The following ADAMTSL1 variants were observed in gnomAD, a reference collection of about 807,000 sequenced individuals.
ADAMTSL1 encodes the protein ADAMTS like 1.
Under a neutral mutation model 201.8 loss-of-function variants are expected in ADAMTSL1, and 126 were observed. The ratio of observed to expected loss-of-function variants is 0.62; its 90% CI spans 0.54 to 0.72. The LOEUF (loss-of-function observed/expected upper bound fraction) is 0.72, where lower values mean the gene tolerates loss of function less well. Ranked by LOEUF, ADAMTSL1 falls within the 30% of genes least tolerant of loss-of-function variation. The probability of loss-of-function intolerance (pLI) is 0.00; values close to 1 mark genes in which losing one functional copy is unlikely to be tolerated. For missense variants in ADAMTSL1, 2,679 were observed against 2,277.8 expected (o/e 1.18, Z -3.59); for synonymous variants, 1,121 against 903.4 (o/e 1.24, Z -4.32).
chr9:18,483,142 G>T lies in ADAMTSL1; in HGVS notation c.63+8847G>T, dbSNP rs575935656. On this transcript the variant is annotated intron_variant, in intron 1 of 28. Coordinates refer to ENST00000380548, the MANE Select transcript of ADAMTSL1 (RefSeq NM_001040272.6). ...CAGGGGTTTTGTTTTATTTTGTCCT[G>T]AATATCTTTGTATCTCTAGCACCAG... Among the ~76,000 whole-genome samples the T allele has an allele frequency of 5.3e-5, 8 of 152,248 alleles. 1 individual carries two copies. The South Asian group carries it at 1.7e-3, about 32-fold the overall frequency.
At chr9:18,515,275 G>T (rs1231885288) in intron 2 of ADAMTSL1, among the ~76,000 whole-genome samples, 1 of 152,122 alleles carries the variant, frequency 6.6e-6, no homozygotes, top group Non-Finnish European at 1.5e-5. Flanking sequence ...CAATGATGAG[G>T]TTTATCTCTA....
intron 23 of ADAMTSL1, among the ~76,000 whole-genome samples, chr9:18,870,201 T>C (rs951219353): frequency 6.6e-6 from 1 of 152,228 alleles, no homozygotes; most frequent in African/African-American, 2.4e-5. Context: ...ACTGCAGCAT[T>C]TGTATCATCT....
chr9:18,868,120 C>A (rs1827656627), intron 23 of ADAMTSL1, among the ~76,000 whole-genome samples: 1 of 152,212 alleles, frequency 6.6e-6, no homozygotes, highest in African/African-American at 2.4e-5. Flanking sequence ...TTGATCCTAT[C>A]CAGTGAATTT....
chr9:17,955,859 T>A (rs1297127693), intron 1 of ADAMTSL1, among the ~76,000 whole-genome samples: 1 of 152,202 alleles, frequency 6.6e-6, no homozygotes, highest in Non-Finnish European at 1.5e-5. Flanking sequence ...GATTCAGGTA[T>A]CCCCTGAGGT....
chr9:18,411,665 A>T (rs936040967), intron 2 of ADAMTSL1, among the ~76,000 whole-genome samples: 2 of 152,230 alleles, frequency 1.3e-5, no homozygotes, highest in Non-Finnish European at 2.9e-5. Flanking sequence ...AAAAAATATC[A>T]GTATTTTGCT....
chr9:18,508,179 G>A (rs1034609020), intron 2 of ADAMTSL1, among the ~76,000 whole-genome samples: 62 of 147,668 alleles, frequency 4.2e-4, no homozygotes, highest in African/African-American at 1.5e-3. Context: ...GCGAAACTCC[G>A]TCTCAAAAAA....
chr9:18,355,126 AC>A (rs1836156441), intron 2 of ADAMTSL1, among the ~76,000 whole-genome samples: 2 of 152,142 alleles, frequency 1.3e-5, no homozygotes, highest in Non-Finnish European at 2.9e-5. Context: ...GGAGACCCTC[AC>A]TGAGGAGGTC....
At chr9:18,570,899 T>G (rs567263662) in intron 3 of ADAMTSL1, among the ~76,000 whole-genome samples, 1 of 152,222 alleles carries the variant, frequency 6.6e-6, no homozygotes, top group Non-Finnish European at 1.5e-5. Flanking sequence ...CCATAAAACT[T>G]GTAACAGGTG....
intron 4 of ADAMTSL1, among the ~76,000 whole-genome samples, chr9:18,619,541 G>A (rs759772664): frequency 3.3e-5 from 5 of 152,120 alleles, no homozygotes; most frequent in South Asian, 4.1e-4. Flanking sequence ...TAAGTCAGGC[G>A]TCTAGCCAAG....
chr9:18,689,467 A>G (rs1831077189), intron 13 of ADAMTSL1, among the ~76,000 whole-genome samples: 1 of 152,124 alleles, frequency 6.6e-6, no homozygotes, highest in Admixed American at 6.5e-5. Flanking sequence ...CAGGCAACTA[A>G]CAGGCCACCT....
At chr9:18,620,791 C>T (rs758150652) in intron 4 of ADAMTSL1, among the ~76,000 whole-genome samples, 6 of 152,078 alleles carry the variant, frequency 3.9e-5, no homozygotes, top group Non-Finnish European at 7.3e-5. Context: ...GTTTTCCTGA[C>T]ATCTTTGCAT....
intron 2 of ADAMTSL1, among the ~76,000 whole-genome samples, chr9:18,323,520 A>T (rs1834709641): frequency 6.6e-6 from 1 of 152,152 alleles, no homozygotes; most frequent in African/African-American, 2.4e-5. Context: ...CTGGGTTATT[A>T]AGTCAGCACA....
chr9:18,197,861 TA>T (rs1178621210), intron 2 of ADAMTSL1, among the ~76,000 whole-genome samples: 1 of 151,926 alleles, frequency 6.6e-6, no homozygotes, highest in Non-Finnish European at 1.5e-5. Context: ...CAAACTATAC[TA>T]CAAGGCTACA....
chr9:18,478,866 G>C (rs1821589947), intron 1 of ADAMTSL1, among the ~76,000 whole-genome samples: 1 of 152,204 alleles, frequency 6.6e-6, no homozygotes, highest in Non-Finnish European at 1.5e-5. Context: ...CTTTTAGAGA[G>C]CTGGCTTCAA....
intron 2 of ADAMTSL1, among the ~76,000 whole-genome samples, chr9:18,411,265 C>T (rs754693994): frequency 1.3e-5 from 2 of 151,634 alleles, no homozygotes; most frequent in Non-Finnish European, 2.9e-5. Flanking sequence ...GGTGCAATCT[C>T]GACTCACTGC....
At chr9:18,667,362 T>C (rs1463855795) in intron 9 of ADAMTSL1, among the ~76,000 whole-genome samples, 2 of 152,090 alleles carry the variant, frequency 1.3e-5, no homozygotes, top group Non-Finnish European at 2.9e-5. Flanking sequence ...GTAGTAGGCA[T>C]GTAAAAATAC....
chr9:18,192,989 C>T lies in ADAMTSL1; in HGVS notation c.207+29008C>T, dbSNP rs573018428. On this transcript the variant is annotated intron_variant, in intron 2 of 29. Transcript: ENST00000680146. ...GGAACTATCTAACCAGAGAAATAAA[C>T]GATATAAGGAATACTTCAAAAAAAA... 6.6e-5 allele frequency among the ~76,000 whole-genome samples: 10 copies of T among 151,836 alleles called. No individual in the cohort carries two copies. In the East Asian group the frequency reaches 7.7e-4, roughly 12 times the overall value.
chr9:18,033,952 C>G (rs1472514816), intron 1 of ADAMTSL1, among the ~76,000 whole-genome samples: 2 of 152,134 alleles, frequency 1.3e-5, no homozygotes, highest in African/African-American at 4.8e-5. Flanking sequence ...AGTTTTGTCT[C>G]TGTTATCATT....
chr9:18,138,628 G>C (rs1826260773), intron 1 of ADAMTSL1, among the ~76,000 whole-genome samples: 1 of 152,050 alleles, frequency 6.6e-6, no homozygotes, highest in Non-Finnish European at 1.5e-5. Flanking sequence ...TAGTGTGACT[G>C]TTCTAAATTT....
Sources: gnomAD v4.1 joint callset for allele counts (sites outside exome capture counted in the v4.1 genomes callset) on GRCh38, gnomAD v4.1.1 for gene constraint, MANE v1.5 for transcripts, NCBI Gene and HGNC (gene_info 2026-07-23, HGNC 2026-07-21) for gene names.